RAD54L2: variants seen among roughly 807,000 people sequenced by gnomAD.
The protein encoded by RAD54L2 is RAD54 like 2, also known as helicase ARIP4.
A neutral mutation model predicts 138.4 loss-of-function variants in RAD54L2; 27 were observed. That is an observed-to-expected ratio of 0.20 (90% confidence interval 0.14 to 0.27). The LOEUF is 0.27. Among genes scored for constraint, RAD54L2 ranks in the 10% least tolerant of loss-of-function variants. RAD54L2 has a pLI of 1.00. For synonymous variants in RAD54L2, 644 were observed against 723.2 expected, an observed-to-expected ratio of 0.89 and a Z score of 1.76; for missense variants, 1,396 against 1,890.2, an observed-to-expected ratio of 0.74 and a Z score of 4.85.
At chr3:51,655,942 CT>C in intron 19 of RAD54L2, 28 bp from the exon 20 acceptor site, 2 of 1,569,736 alleles carry the variant, frequency 1.3e-6, no homozygotes, top group Non-Finnish European at 1.7e-6. Flanking sequence ...CTGCCAAACT[CT>C]TTTAGTGTCC....
chr3:51,631,889 C>T (rs1038451792), intron 7 of RAD54L2, among the ~76,000 whole-genome samples: 1 of 152,206 alleles, frequency 6.6e-6, no homozygotes, highest in African/African-American at 2.4e-5. Context: ...CTGCCTTGGC[C>T]TCCCAAAGTG....
chr3:51,565,852 G>T (rs9881844), intron 2 of RAD54L2, among the ~76,000 whole-genome samples: 5 of 124,754 alleles, frequency 4.0e-5, no homozygotes, highest in Non-Finnish European at 6.5e-5. Context: ...TTTTTGAGAC[G>T]GAGTCTTGCT....
chr3:51,660,132 T>G lies in RAD54L2; in HGVS notation c.3409+14T>G, dbSNP rs1192512013. The G allele has an allele frequency of 1.3e-6, 2 of 1,582,374 alleles. No homozygotes were observed. Among genetic ancestry groups the G allele is most frequent in the African/African-American group, 1.3e-5 (1 of 74,534 alleles). ...TGGCTGCCTCAGGTGTGATGGCTTT[T>G]ACTTTCCATTTTACTTTTCAAACAA... is the stretch of plus-strand genomic sequence containing the variant. On this transcript the variant is annotated intron_variant, in intron 22 of 22. Coordinates refer to ENST00000684192, the MANE Select transcript of RAD54L2 (RefSeq NM_015106.4).
intron 2 of RAD54L2, among the ~76,000 whole-genome samples, chr3:51,583,964 C>T (rs965469996): frequency 1.1e-4 from 16 of 151,726 alleles, no homozygotes; most frequent in African/African-American, 3.9e-4. Flanking sequence ...GTCTTGGGGA[C>T]TCCCAGGGGT....
chr3:51,599,745 C>CA (rs34126564), intron 3 of RAD54L2, among the ~76,000 whole-genome samples: 132 of 130,246 alleles, frequency 1.0e-3, no homozygotes, highest in Admixed American at 5.4e-3. Flanking sequence ...TATTTTTTAC[C>CA]AAAAAAAAAA....
intron 22 of RAD54L2, among the ~76,000 whole-genome samples, chr3:51,661,534 G>C (rs1195326118): frequency 6.6e-6 from 1 of 152,206 alleles, no homozygotes; most frequent in Non-Finnish European, 1.5e-5. Context: ...CCAGGTCAAA[G>C]GGTATATGTG....
chr3:51,633,961 C>CGGAG lies in RAD54L2; in HGVS notation c.1068_1069insGGAG (p.Leu357GlyfsTer5). 6.2e-7 allele frequency: 1 copy of CGGAG among 1,613,928 alleles called. No individual in the cohort carries two copies. The highest frequency in any genetic ancestry group is 8.5e-7 in the Non-Finnish European group (1 of 1,179,836). Reference sequence around the variant, plus strand: ...ACATGTGGCTTCCACCTCCTGAAGCCCTCCCGGCTGACAACAAGCCTGAAG... The same window carrying CGGAG: ...ACATGTGGCTTCCACCTCCTGAAGCCGGAGCTCCCGGCTGACAACAAGCCTGAAG... On this transcript the variant is annotated frameshift_variant, in exon 9 of 23. Coordinates refer to ENST00000684192, the MANE Select transcript of RAD54L2 (RefSeq NM_015106.4). LOFTEE classifies it high-confidence loss of function.
At chr3:51,652,585 G>A (rs1425759050) in intron 19 of RAD54L2, among the ~76,000 whole-genome samples, 2 of 152,126 alleles carry the variant, frequency 1.3e-5, no homozygotes, top group Non-Finnish European at 2.9e-5. Flanking sequence ...CCAAAATATA[G>A]ACCAATGGAA....
chr3:51,560,983 TC>T (rs925411251), intron 2 of RAD54L2, among the ~76,000 whole-genome samples: 3 of 152,248 alleles, frequency 2.0e-5, no homozygotes, highest in African/African-American at 7.2e-5. Flanking sequence ...TTGAAACTGT[TC>T]TTTTAAGCAT....
In RAD54L2 at chr3:51,639,616, C is replaced by A; in HGVS notation, c.2058C>A (p.Gly686=). The A allele has an allele frequency of 6.2e-7, 1 of 1,613,888 alleles. No homozygotes were observed. Among genetic ancestry groups the A allele is most frequent in the Non-Finnish European group, 8.5e-7 (1 of 1,179,850 alleles). ...GEATNSKFLQ[G]VGFNPFQERG... ...CAACCAATAGCAAGTTCCTACAGGG[C>A]GTTGGCTTCAACCCTTTCCAGGAGC... is the stretch of plus-strand genomic sequence containing the variant. Residue 686 remains glycine (G), a synonymous_variant, in exon 13 of 23, where the codon GGC becomes GGA. Coordinates refer to ENST00000684192, the MANE Select transcript of RAD54L2 (RefSeq NM_015106.4).
At chr3:51,553,179 G>C (rs1377762389) in intron 2 of RAD54L2, among the ~76,000 whole-genome samples, 2 of 152,140 alleles carry the variant, frequency 1.3e-5, no homozygotes, top group Non-Finnish European at 2.9e-5. Context: ...CCGAGTTCAA[G>C]TGATTCTCCT....
Position 51,662,724 on chromosome 3 carries a change from G to A in RAD54L2, c.3708G>A (p.Leu1236=). The part of the protein sequence containing the change: ...LGGHCLNSSL[L]VTGQPCGDRH... ...GTCATTGCCTCAATAGTTCCCTCTT[G>A]GTGACTGGCCAGCCCTGTGGTGACA... is the stretch of plus-strand genomic sequence containing the variant. Residue 1236 remains leucine (L), a synonymous_variant, in exon 23 of 23, where the codon TTG becomes TTA. Coordinates refer to ENST00000684192, the MANE Select transcript of RAD54L2 (RefSeq NM_015106.4). The surrounding 1 kb of genome is among the most constrained non-coding windows in gnomAD (Gnocchi z 4.6). 1 of 1,613,754 alleles carries A rather than the reference G, an allele frequency of 6.2e-7. No homozygotes were observed.
At chr3:51,563,619 A>T (rs1246790960) in intron 2 of RAD54L2, among the ~76,000 whole-genome samples, 1 of 152,242 alleles carries the variant, frequency 6.6e-6, no homozygotes, top group Non-Finnish European at 1.5e-5. Context: ...ATCAAAGATC[A>T]TCAGGGTCAG....
chr3:51,617,704 T>A (rs1201709240), intron 3 of RAD54L2, among the ~76,000 whole-genome samples: 1 of 152,106 alleles, frequency 6.6e-6, no homozygotes, highest in Non-Finnish European at 1.5e-5. Flanking sequence ...AGTGAGACCC[T>A]GTCTCTACAA....
chr3:51,576,455 C>T (rs372945105), intron 2 of RAD54L2, among the ~76,000 whole-genome samples: 3 of 152,066 alleles, frequency 2.0e-5, no homozygotes, highest in African/African-American at 4.8e-5. Context: ...TAGTAGGATT[C>T]GGCTCTGAAT....
At chr3:51,633,311 A>G (rs1700895331) in intron 7 of RAD54L2, among the ~76,000 whole-genome samples, 2 of 152,210 alleles carry the variant, frequency 1.3e-5, no homozygotes, top group Admixed American at 6.5e-5. Context: ...GCTGACTGAA[A>G]GATCCTGTCA....
chr3:51,645,514 G>A lies in RAD54L2; in HGVS notation c.2657-77G>A, dbSNP rs2106825545. Reference sequence around the variant, plus strand: ...CCTAGTCTTTGACTTTCAGATATGGGATGACTTTTCATTATTAGTGACCTT... The same window carrying A: ...CCTAGTCTTTGACTTTCAGATATGGAATGACTTTTCATTATTAGTGACCTT... On this transcript the variant is annotated intron_variant, in intron 17 of 22. Coordinates refer to ENST00000684192, the MANE Select transcript of RAD54L2 (RefSeq NM_015106.4). The surrounding 1 kb of genome is among the most constrained non-coding windows in gnomAD (Gnocchi z 6.1). The A allele has an allele frequency of 1.4e-6, 2 of 1,387,762 alleles. No homozygotes were observed. The highest frequency in any genetic ancestry group is 2.5e-5 in the East Asian group (1 of 40,788). 86.0% of individuals were successfully genotyped at this position (1,387,762 alleles called of 1,614,324 possible).
chr3:51,631,266 G>T (rs936243383), intron 7 of RAD54L2, among the ~76,000 whole-genome samples: 3 of 152,142 alleles, frequency 2.0e-5, no homozygotes, highest in Non-Finnish European at 2.9e-5. Flanking sequence ...GATTAGGAAG[G>T]TCTGGATCTA....
chr3:51,588,010 C>A (rs1023293666), intron 2 of RAD54L2, among the ~76,000 whole-genome samples: 1 of 150,144 alleles, frequency 6.7e-6, no homozygotes, highest in Non-Finnish European at 1.5e-5. Context: ...CACGGTGAGA[C>A]CCCGTCTCTA....
Sources: gnomAD v4.1 joint callset for allele counts (sites outside exome capture counted in the v4.1 genomes callset) on GRCh38, gnomAD v4.1.1 for gene constraint, Gnocchi (gnomAD v3.1) non-coding constraint, MANE v1.5 for transcripts, NCBI Gene and HGNC (gene_info 2026-07-23, HGNC 2026-07-21) for gene names.